Variants in TG observed in about 807,000 individuals in gnomAD.
TG encodes the protein thyroid hormones.
A neutral mutation model predicts 324.7 loss-of-function variants in TG; 270 were observed. The observed-to-expected ratio is 0.83, with a 90% CI of 0.75 to 0.92. The LOEUF is 0.92. TG is among the 40% of genes least tolerant of loss of function. TG has a pLI of 0.00. For synonymous variants in TG, 1,401 were observed against 1,327.0 expected (o/e 1.06, Z -1.21); for missense variants, 3,591 against 3,456.4 (o/e 1.04, Z -0.98).
chr8:133,065,884 C>G (rs1453761982), intron 41 of TG, among the ~76,000 whole-genome samples: 1 of 152,134 alleles, frequency 6.6e-6, no homozygotes, highest in East Asian at 1.9e-4. Flanking sequence ...CCTGAGGGAT[C>G]TCTTGGATGT....
intron 21 of TG, among the ~76,000 whole-genome samples, chr8:132,923,126 A>G (rs566812795): frequency 7.4e-4 from 113 of 152,266 alleles, no homozygotes; most frequent in African/African-American, 2.6e-3. Flanking sequence ...TGTGTGAAGC[A>G]TGGGGTATGT....
At chr8:133,070,832 C>T (rs904326661) in intron 41 of TG, among the ~76,000 whole-genome samples, 4 of 152,212 alleles carry the variant, frequency 2.6e-5, no homozygotes, top group East Asian at 1.9e-4. Flanking sequence ...CGCTCCTGAC[C>T]GTGGTGAAGT....
At chr8:133,093,912 C>G (rs189417673) in intron 41 of TG, among the ~76,000 whole-genome samples, 28 of 152,306 alleles carry the variant, frequency 1.8e-4, no homozygotes, top group African/African-American at 6.5e-4. Context: ...AATAGGGAAC[C>G]TCTTGAGTGA....
chr8:132,908,312 T>G lies in TG; in HGVS notation c.3974T>G (p.Leu1325Arg). 1 of 1,586,138 alleles carries G rather than the reference T, an allele frequency of 6.3e-7. No individual in the cohort carries two copies. Among genetic ancestry groups the G allele is most frequent in the Non-Finnish European group, 8.6e-7 (1 of 1,164,270 alleles). Reference protein sequence around the residue: ...QTFQVFILDELTARGFCQIQV... With the variant: ...QTFQVFILDERTARGFCQIQV... The stretch of plus-strand genomic sequence containing the variant: ...TTCCAGGTTTTCATATTGGATGAGC[T>G]GACAGCCCGCGGCTTCTGCCAGATC... The change falls in exon 18 of 48, where the codon CTG (leucine) becomes CGG (arginine). Residue 1325 changes from leucine to arginine, a missense_variant. Leu to Arg is a moderately radical substitution (Grantham distance 102, BLOSUM62 -2). Transcript: ENST00000220616.
Position 132,919,586 on chromosome 8 carries a change from G to C in TG, c.4528+61G>C, listed in dbSNP as rs111975969. 9 of 1,603,378 alleles carry C rather than the reference G, an allele frequency of 5.6e-6. No individual in the cohort carries two copies. The Admixed American group carries it at 6.7e-5, about 12-fold the overall frequency. On this transcript the variant is annotated intron_variant, in intron 21 of 47. Transcript: ENST00000220616. ...CCTGCAATGAAATGGAACTCAACAGGGTTTCCCAATCTCTGCACTATTGAC... is the reference window on the plus strand; with the variant it reads ...CCTGCAATGAAATGGAACTCAACAGCGTTTCCCAATCTCTGCACTATTGAC...
At chr8:132,945,066 C>T (rs951012438) in intron 26 of TG, among the ~76,000 whole-genome samples, 6 of 152,164 alleles carry the variant, frequency 3.9e-5, no homozygotes, top group East Asian at 1.9e-4. Flanking sequence ...ATTCTAATAA[C>T]GACTGGAAGC....
chr8:132,906,537 C>T, intron 16 of TG, 151 bp from the exon 17 acceptor site: 1 of 855,492 alleles, frequency 1.2e-6, no homozygotes, highest in Non-Finnish European at 1.8e-6. Flanking sequence ...GGGGAGCAGG[C>T]CCAGGCCAGG....
At chr8:132,991,208 G>C (rs1262819536) in intron 35 of TG, among the ~76,000 whole-genome samples, 1 of 152,146 alleles carries the variant, frequency 6.6e-6, no homozygotes, top group Non-Finnish European at 1.5e-5. Context: ...CACTGCTAAT[G>C]TAGAGCCCTG....
intron 28 of TG, among the ~76,000 whole-genome samples, chr8:132,961,773 G>T (rs3958179): frequency 4.0e-5 from 6 of 151,450 alleles, no homozygotes; most frequent in African/African-American, 1.2e-4. Flanking sequence ...ATGAGAAAAA[G>T]CCTCTGACCC....
At chr8:132,989,573 A>G (rs887964354) in intron 35 of TG, among the ~76,000 whole-genome samples, 1 of 152,202 alleles carries the variant, frequency 6.6e-6, no homozygotes, top group African/African-American at 2.4e-5. Context: ...CCTGGAGCTC[A>G]GTGACAGGGA....
At chr8:133,032,757 A>T (rs1317277447) in intron 41 of TG, among the ~76,000 whole-genome samples, 1 of 152,236 alleles carries the variant, frequency 6.6e-6, no homozygotes, top group African/African-American at 2.4e-5. Context: ...TGGGGCCAGA[A>T]CTGTTGAAAC....
intron 41 of TG, among the ~76,000 whole-genome samples, chr8:133,065,266 C>T (rs918633227): frequency 3.6e-4 from 55 of 152,308 alleles, no homozygotes; most frequent in Admixed American, 3.3e-3. Context: ...TTGCTCAGAA[C>T]AACCCCACTT....
intron 43 of TG, among the ~76,000 whole-genome samples, chr8:133,104,050 T>G (rs1389647539): frequency 6.6e-6 from 1 of 152,192 alleles, no homozygotes; most frequent in African/African-American, 2.4e-5. Context: ...ACTTCTGGAC[T>G]GAGGCCTGAG....
intron 34 of TG, among the ~76,000 whole-genome samples, chr8:132,975,643 G>T (rs1192335901): frequency 2.0e-5 from 3 of 152,090 alleles, no homozygotes; most frequent in Non-Finnish European, 4.4e-5. Flanking sequence ...TCTATGTATT[G>T]GGCTCATACT....
chr8:132,909,971 A>T (rs1819273552), intron 18 of TG, among the ~76,000 whole-genome samples: 1 of 152,182 alleles, frequency 6.6e-6, no homozygotes, highest in Admixed American at 6.6e-5. Flanking sequence ...TGTTTTGGAG[A>T]TTAAACTAGC....
chr8:133,044,544 C>T (rs1838938565), intron 41 of TG, among the ~76,000 whole-genome samples: 1 of 152,186 alleles, frequency 6.6e-6, no homozygotes, highest in Non-Finnish European at 1.5e-5. Flanking sequence ...ACAGCGAAGA[C>T]AGGTAGCCAC....
intron 41 of TG, among the ~76,000 whole-genome samples, chr8:133,086,069 A>G (rs539172928): frequency 1.3e-5 from 2 of 152,360 alleles, no homozygotes; most frequent in African/African-American, 2.4e-5. Flanking sequence ...AATACCTGCT[A>G]TAAGATGGAT....
Position 133,003,002 on chromosome 8 carries a change from G to A in TG, c.6263-8899G>A, listed in dbSNP as rs950880275. ...CAGATTCACATGTACCTGGCCAAAC[G>A]AACAACTCCATGTTTTCCAAAAGGC... On this transcript the variant is annotated intron_variant, in intron 35 of 47. Coordinates refer to ENST00000220616, the MANE Select transcript of TG (RefSeq NM_003235.5). 7.8e-6 allele frequency: 8 copies of A among 1,024,210 alleles called. No homozygotes were observed. In the African/African-American group the frequency reaches 1.4e-4, roughly 18 times the overall value. 63.4% of individuals were successfully genotyped at this position (1,024,210 alleles called of 1,614,324 possible).
intron 10 of TG, among the ~76,000 whole-genome samples, chr8:132,892,135 G>A (rs864898): frequency 0.43 from 65,281 of 152,038 alleles, 14,174 homozygotes; most frequent in South Asian, 0.51. Context: ...TGAACACAAA[G>A]GTCTTTGAGT....
Sources: gnomAD v4.1 joint callset for allele counts (sites outside exome capture counted in the v4.1 genomes callset) on GRCh38, gnomAD v4.1.1 for gene constraint, MANE v1.5 for transcripts, NCBI Gene and HGNC (gene_info 2026-07-23, HGNC 2026-07-21) for gene names.